Variants in NPTN observed in about 807,000 individuals in gnomAD.
NPTN encodes the protein SDR-1.
Under a neutral mutation model 42.7 loss-of-function variants are expected in NPTN, and 5 were observed. The observed-to-expected ratio is 0.12, with a 90% CI of 0.06 to 0.25. The LOEUF is 0.25. NPTN is among the 10% of genes least tolerant of loss of function. The probability of loss-of-function intolerance (pLI) is 1.00; values close to 1 mark genes in which losing one functional copy is unlikely to be tolerated. For synonymous variants in NPTN, 180 were observed against 201.9 expected, an observed-to-expected ratio of 0.89 and a Z score of 0.92; for missense variants, 307 against 525.4, an observed-to-expected ratio of 0.58 and a Z score of 4.06.
chr15:73,619,606 G>C (rs1898033187), intron 1 of NPTN, among the ~76,000 whole-genome samples: 1 of 152,158 alleles, frequency 6.6e-6, no homozygotes, highest in African/African-American at 2.4e-5. Flanking sequence ...ACCAAGGAGG[G>C]TGATCTACTG....
At chr15:73,564,770 C>A (rs1894883877) in intron 6 of NPTN, among the ~76,000 whole-genome samples, 1 of 152,182 alleles carries the variant, frequency 6.6e-6, no homozygotes, top group Admixed American at 6.5e-5. Context: ...ATGCTAGGAA[C>A]TAAGCACTTT....
intron 8 of NPTN, 62 bp from the exon 9 acceptor site, chr15:73,561,110 C>T (rs1272609144): frequency 6.6e-6 from 1 of 152,364 alleles, no homozygotes; most frequent in Non-Finnish European, 1.5e-5. Context: ...CACAACTACA[C>T]CGTGTGCCAC....
intron 4 of NPTN, among the ~76,000 whole-genome samples, chr15:73,576,885 T>C (rs573712894): frequency 6.6e-6 from 1 of 152,362 alleles, no homozygotes; most frequent in Non-Finnish European, 1.5e-5. Context: ...GTTTATTTTA[T>C]AAATAAATCA....
intron 4 of NPTN, among the ~76,000 whole-genome samples, chr15:73,577,993 C>T (rs1566964064): frequency 6.6e-6 from 1 of 152,098 alleles, no homozygotes; most frequent in African/African-American, 2.4e-5. Flanking sequence ...GTAGGTCACA[C>T]ATATCTGTAG....
rs909718837 is a variant in NPTN, at chr15:73,571,045, C to T, written c.841-622G>A. ...CCTGTAATCTCAGCACTTTAGGAAGCTAAGGTGGGAGGATCGCTTGAGCCC... is the reference window on the plus strand; with the variant it reads ...CCTGTAATCTCAGCACTTTAGGAAGTTAAGGTGGGAGGATCGCTTGAGCCC... On this transcript the variant is annotated intron_variant, in intron 5 of 8. Transcript: ENST00000345330. Among the ~76,000 whole-genome samples, 6 of 152,158 alleles carry T rather than the reference C, an allele frequency of 3.9e-5. 1 individual carries two copies. The highest frequency in any genetic ancestry group is 4.1e-4 in the South Asian group (2 of 4,832).
chr15:73,609,898 G>A (rs1419779149), intron 1 of NPTN, among the ~76,000 whole-genome samples: 8 of 151,902 alleles, frequency 5.3e-5, no homozygotes, highest in Non-Finnish European at 5.9e-5. Flanking sequence ...CATCTGTGTC[G>A]TGAACACTCA....
intron 1 of NPTN, among the ~76,000 whole-genome samples, chr15:73,623,261 C>A (rs1898223173): frequency 6.6e-6 from 1 of 152,114 alleles, no homozygotes; most frequent in Non-Finnish European, 1.5e-5. Flanking sequence ...TTATAGTAAG[C>A]AAAATTCTGT....
chr15:73,599,906 A>G (rs1036170565), intron 1 of NPTN, among the ~76,000 whole-genome samples: 3 of 152,178 alleles, frequency 2.0e-5, no homozygotes, highest in Admixed American at 6.5e-5. Flanking sequence ...TTTCTTTTGT[A>G]CTTTTTCCCT....
At chr15:73,606,200 T>C (rs1020909727) in intron 1 of NPTN, among the ~76,000 whole-genome samples, 3 of 152,222 alleles carry the variant, frequency 2.0e-5, no homozygotes, top group Non-Finnish European at 2.9e-5. Context: ...TAATTTACTC[T>C]TGAGCAGTCA....
At chr15:73,573,223 G>C (rs1895507118) in intron 5 of NPTN, among the ~76,000 whole-genome samples, 1 of 152,176 alleles carries the variant, frequency 6.6e-6, no homozygotes, top group African/African-American at 2.4e-5. Context: ...ACAGTAATCT[G>C]AAAGCAATAA....
At chr15:73,576,433 ATTC>A (rs1161035419) in intron 4 of NPTN, among the ~76,000 whole-genome samples, 7 of 152,074 alleles carry the variant, frequency 4.6e-5, no homozygotes, top group Non-Finnish European at 8.8e-5. Flanking sequence ...GGTTCAAGTG[ATTC>A]TTCTGCCTTG....
At chr15:73,615,965 G>C (rs768800653) in intron 1 of NPTN, among the ~76,000 whole-genome samples, 1 of 151,994 alleles carries the variant, frequency 6.6e-6, no homozygotes, top group African/African-American at 2.4e-5. Flanking sequence ...TTCAAAACTC[G>C]GGTAAGTGAC....
chr15:73,617,788 G>A (rs1897933528), intron 1 of NPTN, among the ~76,000 whole-genome samples: 1 of 152,182 alleles, frequency 6.6e-6, no homozygotes, highest in Non-Finnish European at 1.5e-5. Flanking sequence ...AAATACAAAT[G>A]CCAGGAAAGC....
chr15:73,632,527 C>T (rs546913482), intron 1 of NPTN: 301 of 152,804 alleles, frequency 2.0e-3, no homozygotes, highest in Non-Finnish European at 3.4e-3. Context: ...TCTTCCCACC[C>T]ACCTTCCCTC....
At chr15:73,580,387 T>A (rs1895926036) in intron 4 of NPTN, among the ~76,000 whole-genome samples, 1 of 136,110 alleles carries the variant, frequency 7.3e-6, no homozygotes, top group Admixed American at 8.0e-5. Flanking sequence ...AGTAAAACTT[T>A]AAAATATATA....
At position 73,633,184 on chromosome 15, in the gene NPTN, G is replaced by C. The variant is rs1343573008; in HGVS notation, c.32C>G (p.Ala11Gly). The change falls in exon 1 of 9, where the codon GCC becomes GGC. Residue 11 changes from alanine to glycine, a missense_variant. Around this residue, in one of 2 missense-constraint regions of NPTN, gnomAD observed 43 missense variants for 34.3 expected, o/e 1.25. Transcript: ENST00000345330. The part of the protein sequence containing the change: MSGSSLPSAL[A>G]LSLLLVSGSL... Reference sequence around the variant, plus strand: ...GCCAGAGACCAGCAACAGCGAGAGGGCCAGGGCGCTGGGCAGCGACGAACC... The same window carrying C: ...GCCAGAGACCAGCAACAGCGAGAGGCCCAGGGCGCTGGGCAGCGACGAACC... The C allele has an allele frequency of 6.5e-7, 1 of 1,530,218 alleles. No homozygotes were observed. Among genetic ancestry groups the C allele is most frequent in the East Asian group, 2.7e-5 (1 of 37,096 alleles). 94.8% of individuals were successfully genotyped at this position (1,530,218 alleles called of 1,614,324 possible). A position where few individuals can be genotyped will look rare whatever the true frequency, so the allele number is the denominator to read the frequency against.
chr15:73,575,109 G>C (rs1895614997), intron 4 of NPTN, among the ~76,000 whole-genome samples: 1 of 152,152 alleles, frequency 6.6e-6, no homozygotes, highest in Admixed American at 6.5e-5. Context: ...TCAGCCTCCT[G>C]AGTAGCTGGG....
chr15:73,588,015 G>A (rs1448168171), intron 3 of NPTN, among the ~76,000 whole-genome samples: 1 of 152,182 alleles, frequency 6.6e-6, no homozygotes, highest in Non-Finnish European at 1.5e-5. Flanking sequence ...GCTGAGACAG[G>A]TGGATCACGA....
intron 3 of NPTN, among the ~76,000 whole-genome samples, chr15:73,590,210 G>A (rs1454096066): frequency 1.3e-5 from 2 of 152,006 alleles, no homozygotes; most frequent in East Asian, 3.9e-4. Flanking sequence ...TTCTGAAATC[G>A]CCTCTTCAGG....
Sources: allele counts gnomAD v4.1 joint callset (sites outside exome capture counted in the v4.1 genomes callset), GRCh38; gene constraint gnomAD v4.1.1; regional missense constraint gnomAD v4.1.1; transcripts MANE v1.5; gene names NCBI Gene and HGNC (gene_info 2026-07-23, HGNC 2026-07-21).